Variants in TMEM132D observed in about 807,000 individuals in gnomAD.
TMEM132D encodes transmembrane protein 132D, also known as mature OL transmembrane protein.
In TMEM132D, 21 loss-of-function variants were observed where a neutral mutation model predicts 62.3. That is an observed-to-expected ratio of 0.34 (90% CI 0.24 to 0.49). TMEM132D has a LOEUF of 0.49. Among genes scored for constraint, TMEM132D ranks in the 20% least tolerant of loss-of-function variants. The probability of loss-of-function intolerance (pLI) is 0.99; values close to 1 mark genes in which losing one functional copy is unlikely to be tolerated. For synonymous variants in TMEM132D, 621 were observed against 575.6 expected (o/e 1.08, Z -1.13); for missense variants, 1,346 against 1,402.8 (o/e 0.96, Z 0.65).
intron 1 of TMEM132D, among the ~76,000 whole-genome samples, chr12:129,729,871 T>C (rs886732929): frequency 6.6e-5 from 10 of 152,204 alleles, no homozygotes; most frequent in African/African-American, 1.7e-4. Context: ...GGCCGCACCA[T>C]GGTCAAGCTA....
chr12:129,408,716 C>T (rs2135704525), intron 3 of TMEM132D, among the ~76,000 whole-genome samples: 1 of 152,144 alleles, frequency 6.6e-6, no homozygotes, highest in African/African-American at 2.4e-5. Context: ...TATGAACTCT[C>T]TGTAATAATA....
At chr12:129,236,848 T>C (rs797016679) in intron 4 of TMEM132D, among the ~76,000 whole-genome samples, 3 of 152,324 alleles carry the variant, frequency 2.0e-5, no homozygotes, top group African/African-American at 7.2e-5. Flanking sequence ...TTGAGTATGA[T>C]GTTAGTTGTG....
At chr12:129,225,788 A>G (rs904267536) in intron 4 of TMEM132D, among the ~76,000 whole-genome samples, 1 of 152,154 alleles carries the variant, frequency 6.6e-6, no homozygotes, top group Non-Finnish European at 1.5e-5. Context: ...AGAAGACATA[A>G]CCTGCCGTGC....
At chr12:129,567,626 C>T (rs188737631) in intron 2 of TMEM132D, among the ~76,000 whole-genome samples, 5 of 152,166 alleles carry the variant, frequency 3.3e-5, no homozygotes, top group East Asian at 3.9e-4. Context: ...AAGACATTTA[C>T]GAAATTGTAA....
chr12:129,879,028 G>A (rs1426637406), intron 1 of TMEM132D, among the ~76,000 whole-genome samples: 3 of 152,184 alleles, frequency 2.0e-5, no homozygotes, highest in South Asian at 4.1e-4. Context: ...TTGACACACA[G>A]CTTCTTCATC....
chr12:129,397,700 A>G (rs535109797), intron 3 of TMEM132D, among the ~76,000 whole-genome samples: 5 of 152,312 alleles, frequency 3.3e-5, no homozygotes, highest in African/African-American at 9.6e-5. Context: ...ATTTTCACAA[A>G]TAATTTTACT....
At chr12:129,782,617 T>G (rs1336485639) in intron 1 of TMEM132D, among the ~76,000 whole-genome samples, 3 of 152,248 alleles carry the variant, frequency 2.0e-5, no homozygotes. Flanking sequence ...CTCAGGTGTA[T>G]TCCTGATAAA....
At chr12:129,432,135 A>G (rs1384294535) in intron 3 of TMEM132D, among the ~76,000 whole-genome samples, 5 of 145,536 alleles carry the variant, frequency 3.4e-5, no homozygotes, top group African/African-American at 1.3e-4. Flanking sequence ...GGATGGATGG[A>G]TGGATGGATG....
intron 2 of TMEM132D, among the ~76,000 whole-genome samples, chr12:129,642,815 C>T (rs1032758621): frequency 1.3e-5 from 2 of 152,132 alleles, no homozygotes; most frequent in African/African-American, 4.8e-5. Flanking sequence ...ATCTTTACCT[C>T]CTGTCTTTGC....
At chr12:129,106,031 T>C (rs7967174) in intron 5 of TMEM132D, among the ~76,000 whole-genome samples, 128,939 of 150,626 alleles carry the variant, frequency 0.86, 55,360 homozygotes, top group East Asian at 0.94. Context: ...TGTCCAACAA[T>C]GATAGACTGG....
intron 1 of TMEM132D, among the ~76,000 whole-genome samples, chr12:129,820,245 T>A (rs1268268194): frequency 6.6e-6 from 1 of 152,192 alleles, no homozygotes; most frequent in East Asian, 1.9e-4. Context: ...GTTGCAAAGA[T>A]GGTGCTCTTA....
At chr12:129,451,313 C>T (rs919989047) in intron 3 of TMEM132D, among the ~76,000 whole-genome samples, 2 of 152,126 alleles carry the variant, frequency 1.3e-5, no homozygotes, top group Non-Finnish European at 2.9e-5. Context: ...GATAAGCAGG[C>T]ATTAATCATG....
At chr12:129,196,821 C>CTCACCTAG (rs1299757956) in intron 5 of TMEM132D, among the ~76,000 whole-genome samples, 1 of 152,150 alleles carries the variant, frequency 6.6e-6, no homozygotes, top group Non-Finnish European at 1.5e-5. Flanking sequence ...TATATACAAT[C>CTCACCTAG]TCACCTAGAA....
intron 4 of TMEM132D, among the ~76,000 whole-genome samples, chr12:129,309,776 G>A (rs957527573): frequency 2.0e-5 from 3 of 152,256 alleles, no homozygotes; most frequent in African/African-American, 7.2e-5. Context: ...CAAACTCATT[G>A]AAGTTGAATA....
chr12:129,477,551 TG>T (rs1874302440), intron 3 of TMEM132D, among the ~76,000 whole-genome samples: 1 of 152,326 alleles, frequency 6.6e-6, no homozygotes, highest in South Asian at 2.1e-4. Flanking sequence ...CTGGGTGCCG[TG>T]GCTCACACCT....
chr12:129,531,526 A>G (rs936166677), intron 2 of TMEM132D, among the ~76,000 whole-genome samples: 6 of 152,234 alleles, frequency 3.9e-5, no homozygotes, highest in African/African-American at 1.4e-4. Context: ...GAACTACCTG[A>G]AAACCCTTAG....
intron 3 of TMEM132D, among the ~76,000 whole-genome samples, chr12:129,450,100 G>C (rs938173306): frequency 6.6e-6 from 1 of 152,094 alleles, no homozygotes; most frequent in African/African-American, 2.4e-5. Context: ...TATAGATGCT[G>C]GATATTAGAC....
chr12:129,250,965 T>A (rs74766329), intron 4 of TMEM132D, among the ~76,000 whole-genome samples: 7,639 of 152,330 alleles, frequency 0.05, 283 homozygotes, highest in Middle Eastern at 0.1. Context: ...ATTCTGAAGA[T>A]GTGCTTAGTT....
intron 3 of TMEM132D, among the ~76,000 whole-genome samples, chr12:129,403,534 C>T (rs778351694): frequency 1.3e-5 from 2 of 151,652 alleles, no homozygotes; most frequent in Non-Finnish European, 2.9e-5. Context: ...ACATCTGTTG[C>T]GGAAATGCAA....
Sources: gnomAD v4.1 joint callset for allele counts (sites outside exome capture counted in the v4.1 genomes callset) on GRCh38, gnomAD v4.1.1 for gene constraint, MANE v1.5 for transcripts, NCBI Gene and HGNC (gene_info 2026-07-23, HGNC 2026-07-21) for gene names.